CUL4B: variants seen among roughly 807,000 people sequenced by gnomAD.
CUL4B encodes the protein cullin 4B, also known as cullin-4B.
A neutral mutation model predicts 69.2 loss-of-function variants in CUL4B; 1 was observed. That is an observed-to-expected ratio of 0.01 (90% CI 0.01 to 0.07). CUL4B has a LOEUF of 0.07. Ranked by LOEUF, CUL4B falls within the 10% of genes least tolerant of loss-of-function variation. The probability of loss-of-function intolerance (pLI) is 1.00; values close to 1 mark genes in which losing one functional copy is unlikely to be tolerated. For synonymous variants in CUL4B, 237 were observed against 223.2 expected (o/e 1.06, Z -0.55); for missense variants, 328 against 638.8 (o/e 0.51, Z 5.24).
At chrX:120,561,173 G>T (rs1002552213), upstream of CUL4B, 2 of 785,640 alleles carry the variant, frequency 2.5e-6, no homozygotes, top group Non-Finnish European at 3.5e-6. Context: ...AGCCGCCCGG[G>T]GGGCGGGGGA....
At chrX:120,549,338 G>C (rs935725577) in intron 2 of CUL4B, among the ~76,000 whole-genome samples, 6 of 112,138 alleles carry the variant, frequency 5.4e-5, no homozygotes, top group African/African-American at 1.9e-4. Context: ...CAGATCATGA[G>C]GTCTGGAGTT....
At chrX:120,549,607 C>G (rs1016070242) in intron 2 of CUL4B, among the ~76,000 whole-genome samples, 1 of 111,293 alleles carries the variant, frequency 9.0e-6, no homozygotes, top group African/African-American at 3.3e-5. Context: ...CCTCTTACAC[C>G]ACGAGACAAG....
intron 2 of CUL4B, among the ~76,000 whole-genome samples, chrX:120,549,319 C>T (rs944337356): frequency 5.9e-4 from 66 of 111,909 alleles, no homozygotes; most frequent in African/African-American, 1.9e-3. Context: ...TTTGGGAGGC[C>T]GAGGCGGGCA....
intron 2 of CUL4B, among the ~76,000 whole-genome samples, chrX:120,556,606 G>A (rs1467213055): frequency 9.1e-6 from 1 of 110,096 alleles, no homozygotes; most frequent in East Asian, 2.8e-4. Flanking sequence ...TTGGGAGGTT[G>A]AGGTGACAAG....
chrX:120,565,212 A>T (rs1385650797), upstream of CUL4B, among the ~76,000 whole-genome samples: 1 of 110,647 alleles, frequency 9.0e-6, no homozygotes, highest in African/African-American at 3.3e-5. Context: ...TCCTCTCCAG[A>T]TATCTCATAC....
Position 120,560,748 on chromosome X carries a change from AGAG to A in CUL4B, c.-113_-111del. The A allele has an allele frequency of 3.3e-6, 3 of 898,016 alleles. No homozygotes were observed. Among genetic ancestry groups the A allele is most frequent in the Non-Finnish European group, 4.2e-6 (3 of 710,906 alleles). The allele number at this position is 898,016 out of a possible 1,213,427, so 74.0% of individuals were successfully genotyped here. On this transcript the variant is annotated 5_prime_UTR_variant, in exon 1 of 20. Coordinates refer to ENST00000371322, the MANE Select transcript of CUL4B (RefSeq NM_001079872.2). ...CTAGAGGGGGAAGGGAAGAAAGAAGAGAGGAGAAACACAGAGGACGAGAAGGAA... is the reference window on the plus strand; with the variant it reads ...CTAGAGGGGGAAGGGAAGAAAGAAGAGAGAAACACAGAGGACGAGAAGGAA...
chrX:120,542,543 A>C (rs1168876005), intron 9 of CUL4B, among the ~76,000 whole-genome samples: 1 of 111,993 alleles, frequency 8.9e-6, no homozygotes, highest in Non-Finnish European at 1.9e-5. Flanking sequence ...TCACCGCTTT[A>C]GTGTAAAAAG....
intron 1 of CUL4B, among the ~76,000 whole-genome samples, chrX:120,558,829 A>G (rs1193851629): frequency 3.6e-5 from 4 of 111,899 alleles, no homozygotes; most frequent in Non-Finnish European, 7.5e-5. Context: ...AGAGAAAAAA[A>G]TCTCTGAAAC....
intron 6 of CUL4B, 88 bp from the exon 7 acceptor site, chrX:120,544,291 T>G: frequency 1.2e-6 from 1 of 849,076 alleles, no homozygotes; most frequent in Non-Finnish European, 1.7e-6. Flanking sequence ...CATTATGAAT[T>G]TGGTTTTTAA....
intron 10 of CUL4B, among the ~76,000 whole-genome samples, chrX:120,540,983 C>G (rs1401800092): frequency 8.9e-6 from 1 of 112,458 alleles, no homozygotes; most frequent in Admixed American, 9.4e-5. Context: ...CAGCTTTCAA[C>G]TTCCTTAAAA....
intron 2 of CUL4B, among the ~76,000 whole-genome samples, chrX:120,548,515 A>T (rs1438069603): frequency 9.0e-6 from 1 of 111,700 alleles, no homozygotes; most frequent in African/African-American, 3.3e-5. Context: ...CCAACATTTC[A>T]GTTTAAGAAT....
intron 17 of CUL4B, among the ~76,000 whole-genome samples, chrX:120,532,892 C>A (rs1313394411): frequency 8.9e-6 from 1 of 111,842 alleles, no homozygotes; most frequent in Admixed American, 9.5e-5. Context: ...CCACCACGCC[C>A]GGCCCCTAGT....
At chrX:120,551,751 G>A (rs1924701111) in intron 2 of CUL4B, among the ~76,000 whole-genome samples, 1 of 111,956 alleles carries the variant, frequency 8.9e-6, no homozygotes, top group African/African-American at 3.2e-5. Flanking sequence ...AAAAAATGCT[G>A]GTCACGAACT....
chrX:120,539,196 G>A (rs1392064556), intron 12 of CUL4B, 72 bp downstream of exon 12: 5 of 576,366 alleles, frequency 8.7e-6, no homozygotes, highest in Non-Finnish European at 1.4e-5. Flanking sequence ...CCTCCAGTTT[G>A]AATATACTTG....
intron 3 of CUL4B, 49 bp from the exon 4 acceptor site, chrX:120,546,665 G>GACT: frequency 1.1e-6 from 1 of 916,787 alleles, no homozygotes; most frequent in Non-Finnish European, 1.6e-6. Flanking sequence ...CAAGTCATAT[G>GACT]TGCCATGTGA....
At position 120,544,189 on chromosome X, in the gene CUL4B, A is replaced by C; in HGVS notation, c.1098T>G (p.Ser366=). The change falls in exon 7 of 20, where the codon TCT becomes TCG. Residue 366 remains serine (S), a synonymous_variant. Coordinates refer to ENST00000371322, the MANE Select transcript of CUL4B (RefSeq NM_001079872.2). ...TTTCTTCCAAAAATCGTTGTTCAAAAGAATCTTGATAAATCTGGAGGGGGA... is the reference window on the plus strand; with the variant it reads ...TTTCTTCCAAAAATCGTTGTTCAAACGAATCTTGATAAATCTGGAGGGGGA... The part of the protein sequence containing the change: ...MLSDLQIYQD[S]FEQRFLEETN... 1 of 1,197,438 alleles carries C rather than the reference A, an allele frequency of 8.4e-7. No individual in the cohort carries two copies.
intron 2 of CUL4B, among the ~76,000 whole-genome samples, chrX:120,554,243 G>T (rs1924844214): frequency 8.9e-6 from 1 of 112,030 alleles, no homozygotes; most frequent in South Asian, 3.7e-4. Flanking sequence ...CATATAGGTA[G>T]CCGTTAGTCT....
upstream of CUL4B, among the ~76,000 whole-genome samples, chrX:120,566,427 C>T (rs1319239305): frequency 5.8e-5 from 5 of 85,610 alleles, no homozygotes; most frequent in Non-Finnish European, 8.9e-5. Context: ...GATGGAGTTT[C>T]GCTCTTGTTG....
rs767130883 is a variant in CUL4B at position 120,560,070 on chromosome X, T to C, written c.556+13A>G. On this transcript the variant is annotated intron_variant, in intron 1 of 19. Coordinates refer to ENST00000371322, the MANE Select transcript of CUL4B (RefSeq NM_001079872.2). ...ATCCTTATTAGGTGATTATGGATTT[T>C]GGCCTTGGTTACCTTTAAAGTTCTT... The C allele has an allele frequency of 8.3e-7, 1 of 1,209,796 alleles. No homozygotes were observed. The highest frequency in any genetic ancestry group is 1.7e-5 in the African/African-American group (1 of 57,198).
Sources: gnomAD v4.1 joint callset for allele counts (sites outside exome capture counted in the v4.1 genomes callset) on GRCh38, gnomAD v4.1.1 for gene constraint, MANE v1.5 for transcripts, NCBI Gene and HGNC (gene_info 2026-07-23, HGNC 2026-07-21) for gene names.